Variants in FCHO2 observed in about 807,000 individuals in gnomAD.
FCHO2 encodes F-BAR domain only protein 2.
FCHO2 carries 43 observed loss-of-function variants against 114.1 expected under a neutral mutation model. The observed-to-expected ratio is 0.38, with a 90% CI of 0.30 to 0.49. FCHO2 has a LOEUF of 0.49. Ranked by LOEUF, FCHO2 falls within the 20% of genes least tolerant of loss-of-function variation. FCHO2 has a pLI of 0.97. For synonymous variants in FCHO2, 293 were observed against 315.2 expected (o/e 0.93, Z 0.75); for missense variants, 807 against 950.4 (o/e 0.85, Z 1.98).
chr5:73,067,594 G>A (rs1742416145), intron 18 of FCHO2, among the ~76,000 whole-genome samples: 1 of 152,016 alleles, frequency 6.6e-6, no homozygotes, highest in Non-Finnish European at 1.5e-5. Context: ...ATTGACTAGT[G>A]TATGAATGCA....
intron 8 of FCHO2, among the ~76,000 whole-genome samples, chr5:73,017,812 G>C (rs190850054): frequency 8.6e-4 from 130 of 151,966 alleles, no homozygotes; most frequent in Middle Eastern, 6.8e-3. Context: ...CAATATACCA[G>C]ACCCCATTCT....
rs933733992 is a variant in FCHO2 at position 73,088,903 on chromosome 5, T to C, written c.*813T>C. On this transcript the variant is annotated 3_prime_UTR_variant, in exon 26 of 26. Coordinates refer to ENST00000430046, the MANE Select transcript of FCHO2 (RefSeq NM_138782.3). ...ATGTGCCTATACAATTTGTGTTCAT[T>C]AATGTGCCTCACTTTTTTTCTCAGT... 1 of 152,630 alleles carries C rather than the reference T, an allele frequency of 6.6e-6. No individual in the cohort carries two copies. Among genetic ancestry groups the C allele is most frequent in the Non-Finnish European group, 1.5e-5 (1 of 68,012 alleles). The allele number at this position is 152,630 out of a possible 1,614,324, so 9.5% of individuals were successfully genotyped here. A position where few individuals can be genotyped will look rare whatever the true frequency, so the allele number is the denominator to read the frequency against.
At chr5:73,042,573 A>G (rs1253611731) in intron 11 of FCHO2, among the ~76,000 whole-genome samples, 1 of 152,216 alleles carries the variant, frequency 6.6e-6, no homozygotes, top group African/African-American at 2.4e-5. Flanking sequence ...ACAGAATTCT[A>G]ATACTGAATA....
chr5:72,987,411 C>G (rs190936112), intron 2 of FCHO2, among the ~76,000 whole-genome samples: 2 of 152,130 alleles, frequency 1.3e-5, no homozygotes, highest in African/African-American at 4.8e-5. Flanking sequence ...GATCTTGGCT[C>G]ACTGCAGCCT....
At chr5:73,034,770 A>C (rs1286935906) in intron 9 of FCHO2, 69 bp downstream of exon 9, 2 of 1,263,106 alleles carry the variant, frequency 1.6e-6, no homozygotes, top group South Asian at 1.6e-5. Context: ...CATTGAACAA[A>C]TAAGGAGGGA....
intron 1 of FCHO2, among the ~76,000 whole-genome samples, chr5:72,958,375 A>G (rs1222668626): frequency 2.6e-5 from 4 of 152,172 alleles, no homozygotes; most frequent in Non-Finnish European, 5.9e-5. Context: ...TGCAAGGGAA[A>G]GGTATAACTT....
chr5:72,959,824 G>A (rs1330704295), intron 1 of FCHO2, among the ~76,000 whole-genome samples: 3 of 150,822 alleles, frequency 2.0e-5, no homozygotes, highest in Non-Finnish European at 4.4e-5. Flanking sequence ...GTGTTGCCTG[G>A]GCTGGCACGC....
rs190634252 is a variant in FCHO2, at chr5:73,046,089, G to C, written c.939+4774G>C. On this transcript the variant is annotated intron_variant, in intron 11 of 25. Transcript: ENST00000430046. ...TTTTGTTTTGTTTTTAATAGAGCTAGGTTCTTGATCTGTGGCCCAGGCTGG... is the reference window on the plus strand; with the variant it reads ...TTTTGTTTTGTTTTTAATAGAGCTACGTTCTTGATCTGTGGCCCAGGCTGG... 5.2e-3 allele frequency among the ~76,000 whole-genome samples: 797 copies of C among 152,228 alleles called. 7 individuals are homozygous for C. Among genetic ancestry groups the C allele is most frequent in the African/African-American group, 0.018 (752 of 41,520 alleles).
At chr5:73,032,759 T>C (rs1393758626) in intron 8 of FCHO2, among the ~76,000 whole-genome samples, 2 of 152,170 alleles carry the variant, frequency 1.3e-5, no homozygotes, top group Non-Finnish European at 2.9e-5. Context: ...ATTCTGTAAA[T>C]AGTTAATGGG....
intron 3 of FCHO2, 151 bp from the exon 4 acceptor site, chr5:72,990,327 C>T: frequency 3.3e-6 from 2 of 601,536 alleles, no homozygotes; most frequent in Non-Finnish European, 5.4e-6. Flanking sequence ...CAAGGTCAGT[C>T]TGTCAATCAT....
intron 5 of FCHO2, among the ~76,000 whole-genome samples, chr5:73,004,917 A>T (rs937353483): frequency 1.3e-5 from 2 of 152,244 alleles, no homozygotes; most frequent in African/African-American, 4.8e-5. Flanking sequence ...AGGAAAAAAC[A>T]TAGTATATAA....
chr5:73,017,474 G>A (rs1416982027), intron 8 of FCHO2, among the ~76,000 whole-genome samples, 166 bp downstream of exon 8: 2 of 152,048 alleles, frequency 1.3e-5, no homozygotes, highest in Non-Finnish European at 2.9e-5. Context: ...AAAAAATGGA[G>A]TATACCTAAA....
intron 1 of FCHO2, among the ~76,000 whole-genome samples, chr5:72,958,187 T>C (rs747933417): frequency 5.9e-5 from 9 of 152,200 alleles, no homozygotes; most frequent in Non-Finnish European, 1.3e-4. Flanking sequence ...CGTGAAGTCT[T>C]GGTGAAGTCC....
At chr5:73,060,187 G>T (rs1007032091) in intron 17 of FCHO2, among the ~76,000 whole-genome samples, 1 of 151,748 alleles carries the variant, frequency 6.6e-6, no homozygotes, top group Non-Finnish European at 1.5e-5. Context: ...TCATTTAGTG[G>T]TCATTGATGT....
At chr5:72,964,959 C>T (rs1328714746) in intron 1 of FCHO2, among the ~76,000 whole-genome samples, 1 of 151,608 alleles carries the variant, frequency 6.6e-6, no homozygotes, top group African/African-American at 2.4e-5. Flanking sequence ...TAGTATATAC[C>T]CTTCCTGCCC....
At chr5:73,029,645 T>G (rs1374762306) in intron 8 of FCHO2, among the ~76,000 whole-genome samples, 1 of 152,196 alleles carries the variant, frequency 6.6e-6, no homozygotes, top group Non-Finnish European at 1.5e-5. Context: ...GGAAGCATGG[T>G]GCTGGCATGT....
At chr5:73,087,392 GC>G (rs1743347505) in intron 24 of FCHO2, among the ~76,000 whole-genome samples, 196 bp from the exon 25 acceptor site, 1 of 152,186 alleles carries the variant, frequency 6.6e-6, no homozygotes, top group African/African-American at 2.4e-5. Context: ...TCAAAGAAAA[GC>G]ATGGGTTATT....
At chr5:73,009,880 T>C (rs1754914386) in intron 6 of FCHO2, among the ~76,000 whole-genome samples, 1 of 152,192 alleles carries the variant, frequency 6.6e-6, no homozygotes, top group Non-Finnish European at 1.5e-5. Context: ...TGAGCAAATG[T>C]GTGACCATGC....
chr5:72,996,840 C>T (rs1580070545), intron 5 of FCHO2: 26 of 977,344 alleles, frequency 2.7e-5, no homozygotes, highest in Middle Eastern at 3.1e-4. Flanking sequence ...CTCCCGGCAA[C>T]GGGGGGCTGG....
Sources: gnomAD v4.1 joint callset for allele counts (sites outside exome capture counted in the v4.1 genomes callset) on GRCh38, gnomAD v4.1.1 for gene constraint, MANE v1.5 for transcripts, NCBI Gene and HGNC (gene_info 2026-07-23, HGNC 2026-07-21) for gene names.